KCTD16: variants seen among roughly 807,000 people sequenced by gnomAD.
KCTD16 encodes potassium channel tetramerization domain containing 16.
Under a neutral mutation model 33.2 loss-of-function variants are expected in KCTD16, and 13 were observed. The observed-to-expected ratio is 0.39, with a 90% CI of 0.25 to 0.62. The LOEUF (loss-of-function observed/expected upper bound fraction) is 0.62. KCTD16 is among the 20% of genes least tolerant of loss of function. The pLI, the probability that KCTD16 is intolerant of heterozygous loss-of-function variation, is 0.50. For synonymous variants in KCTD16, 197 were observed against 195.3 expected, an observed-to-expected ratio of 1.01 and a Z score of -0.07; for missense variants, 441 against 525.1, an observed-to-expected ratio of 0.84 and a Z score of 1.57.
chr5:144,199,860 GCGTACCATCACACC>G (rs1753009923), intron 2 of KCTD16, among the ~76,000 whole-genome samples: 1 of 151,802 alleles, frequency 6.6e-6, no homozygotes. Context: ...GACTACAAGT[GCGTACCATCACACC>G]CGACTAATTT....
At chr5:144,429,215 T>G (rs1294936857) in intron 3 of KCTD16, among the ~76,000 whole-genome samples, 2 of 152,150 alleles carry the variant, frequency 1.3e-5, no homozygotes, top group Non-Finnish European at 1.5e-5. Flanking sequence ...CAAAGCATTA[T>G]GAATGTATTT....
chr5:144,350,733 A>C (rs1296530080), intron 3 of KCTD16, among the ~76,000 whole-genome samples: 4 of 151,940 alleles, frequency 2.6e-5, no homozygotes, highest in Non-Finnish European at 5.9e-5. Context: ...ATAAGATTAT[A>C]ATAATTCTCT....
chr5:144,437,945 A>G (rs1305699582), intron 3 of KCTD16, among the ~76,000 whole-genome samples: 1 of 152,192 alleles, frequency 6.6e-6, no homozygotes, highest in Non-Finnish European at 1.5e-5. Flanking sequence ...TGGCTATTCT[A>G]AATTGAGATG....
At chr5:144,360,202 C>T (rs1380790049) in intron 3 of KCTD16, among the ~76,000 whole-genome samples, 1 of 152,094 alleles carries the variant, frequency 6.6e-6, no homozygotes, top group Non-Finnish European at 1.5e-5. Context: ...ATCAACCCAT[C>T]ATCTACATTA....
At chr5:144,392,117 A>C (rs1358091635) in intron 3 of KCTD16, among the ~76,000 whole-genome samples, 1 of 152,236 alleles carries the variant, frequency 6.6e-6, no homozygotes, top group Non-Finnish European at 1.5e-5. Flanking sequence ...GCCATGAAGG[A>C]AACAAACGGT....
intron 3 of KCTD16, among the ~76,000 whole-genome samples, chr5:144,213,377 CTCTT>C (rs531003744): frequency 0.011 from 1,666 of 151,142 alleles, 20 homozygotes; most frequent in African/African-American, 0.033. Context: ...TCCCTTCTTT[CTCTT>C]TCTTTCTTTC....
At chr5:144,422,868 G>A (rs145846781) in intron 3 of KCTD16, among the ~76,000 whole-genome samples, 5 of 152,228 alleles carry the variant, frequency 3.3e-5, no homozygotes, top group Admixed American at 6.5e-5. Context: ...GATGTTAGGA[G>A]GTGAAAGTAA....
intron 2 of KCTD16, among the ~76,000 whole-genome samples, chr5:144,192,064 G>T (rs958776940): frequency 6.6e-6 from 1 of 152,094 alleles, no homozygotes; most frequent in African/African-American, 2.4e-5. Flanking sequence ...TGGACCAAAG[G>T]GGGCATCTCA....
chr5:144,467,527 A>T (rs912589649), intron 3 of KCTD16, among the ~76,000 whole-genome samples: 1 of 152,148 alleles, frequency 6.6e-6, no homozygotes, highest in Non-Finnish European at 1.5e-5. Context: ...ACATTAAGCC[A>T]ATAAACCTAG....
intron 3 of KCTD16, among the ~76,000 whole-genome samples, chr5:144,241,255 C>T (rs1754396153): frequency 6.6e-6 from 1 of 152,134 alleles, no homozygotes; most frequent in Admixed American, 6.5e-5. Context: ...CAATTCCTGA[C>T]TTTACTCATG....
At chr5:144,340,460 T>C (rs527930989) in intron 3 of KCTD16, among the ~76,000 whole-genome samples, 68 of 150,822 alleles carry the variant, frequency 4.5e-4, no homozygotes, top group African/African-American at 1.6e-3. Flanking sequence ...GAGGGGGAGC[T>C]TTTGGAAAAC....
chr5:144,374,838 T>G (rs1325225517), intron 3 of KCTD16, among the ~76,000 whole-genome samples: 4 of 152,306 alleles, frequency 2.6e-5, no homozygotes, highest in African/African-American at 9.6e-5. Flanking sequence ...TCTGCTGTGT[T>G]TTTCACTGAA....
At chr5:144,457,016 A>G (rs1451423864) in intron 3 of KCTD16, among the ~76,000 whole-genome samples, 1 of 152,256 alleles carries the variant, frequency 6.6e-6, no homozygotes, top group Non-Finnish European at 1.5e-5. Flanking sequence ...TTAAGCTTCA[A>G]GTGAGGTAGC....
chr5:144,483,644 T>G lies in KCTD16; in HGVS notation c.*9530T>G, dbSNP rs1754748156. ...AAGAATACAGTAAGTTGTGTACTCA[T>G]TCATAGCCACATGCTTTGCATATTA... is the stretch of plus-strand genomic sequence containing the variant. On this transcript the variant is annotated 3_prime_UTR_variant, in exon 4 of 4. Transcript: ENST00000512467. The G allele has an allele frequency of 6.6e-6, 1 of 152,004 alleles. No homozygotes were observed. The highest frequency in any genetic ancestry group is 2.4e-5 in the African/African-American group (1 of 41,416). 9.4% of individuals were successfully genotyped at this position (152,004 alleles called of 1,614,324 possible). A position where few individuals can be genotyped will look rare whatever the true frequency, so the allele number is the denominator to read the frequency against.
In KCTD16 at chr5:144,207,099, C is replaced by G; in HGVS notation, c.385C>G (p.Gln129Glu). 1 of 1,610,494 alleles carries G rather than the reference C, an allele frequency of 6.2e-7. No individual in the cohort carries two copies. The highest frequency in any genetic ancestry group is 2.2e-5 in the East Asian group (1 of 44,840). Residue 129 changes from glutamine to glutamate, a missense_variant, in exon 3 of 4, where the codon CAA becomes GAA. By Grantham distance (29) the Gln-to-Glu change is conservative. Around this residue, in one of 3 missense-constraint regions of KCTD16, gnomAD observed 355 missense variants for 413.0 expected, o/e 0.86. Coordinates refer to ENST00000512467, the MANE Select transcript of KCTD16 (RefSeq NM_020768.4). ...VKLLTPDEIK[Q>E]SPDEFCHSDF... ...ACTCCTGACCCCCGATGAAATCAAGCAAAGCCCAGATGAATTCTGCCACAG... is the reference window on the plus strand; with the variant it reads ...ACTCCTGACCCCCGATGAAATCAAGGAAAGCCCAGATGAATTCTGCCACAG...
intron 3 of KCTD16, among the ~76,000 whole-genome samples, chr5:144,417,894 CTT>C (rs1298369082): frequency 1.3e-5 from 2 of 152,128 alleles, no homozygotes; most frequent in East Asian, 3.9e-4. Flanking sequence ...GTCTTGCTGA[CTT>C]CAAGAATGAA....
At chr5:144,230,903 A>G (rs1754082604) in intron 3 of KCTD16, among the ~76,000 whole-genome samples, 1 of 152,236 alleles carries the variant, frequency 6.6e-6, no homozygotes, top group Admixed American at 6.5e-5. Flanking sequence ...CAGGATGAGC[A>G]GATGCTGAGG....
intron 3 of KCTD16, among the ~76,000 whole-genome samples, chr5:144,258,121 C>G (rs1754903178): frequency 6.6e-6 from 1 of 152,092 alleles, no homozygotes; most frequent in South Asian, 2.1e-4. Flanking sequence ...CATGCTAAGT[C>G]CTAGGAATGC....
chr5:144,435,843 A>ATGTGTGTG (rs56722254), intron 3 of KCTD16, among the ~76,000 whole-genome samples: 6,230 of 144,206 alleles, frequency 0.043, 418 homozygotes, highest in African/African-American at 0.15. Context: ...GTGTGTGTGT[A>ATGTGTGTG]TGTGTGTGTG....
Sources: gnomAD v4.1 joint callset for allele counts (sites outside exome capture counted in the v4.1 genomes callset) on GRCh38, gnomAD v4.1.1 for gene constraint, gnomAD v4.1.1 regional missense constraint, MANE v1.5 for transcripts, NCBI Gene and HGNC (gene_info 2026-07-23, HGNC 2026-07-21) for gene names.